ATP11B: variants seen among roughly 807,000 people sequenced by gnomAD.
ATP11B encodes the protein phospholipid-transporting ATPase IF.
Under a neutral mutation model 157.8 loss-of-function variants are expected in ATP11B, and 81 were observed. That is an observed-to-expected ratio of 0.51 (90% CI 0.43 to 0.62). The LOEUF (loss-of-function observed/expected upper bound fraction) is 0.62. ATP11B is among the 20% of genes least tolerant of loss of function. The pLI, the probability that ATP11B is intolerant of heterozygous loss-of-function variation, is 0.00. For synonymous variants in ATP11B, 451 were observed against 469.4 expected, an observed-to-expected ratio of 0.96 and a Z score of 0.51; for missense variants, 1,165 against 1,402.2, an observed-to-expected ratio of 0.83 and a Z score of 2.70.
intron 10 of ATP11B, among the ~76,000 whole-genome samples, chr3:182,857,052 T>C (rs1316946071): frequency 1.3e-5 from 2 of 151,918 alleles, no homozygotes; most frequent in African/African-American, 4.8e-5. Context: ...ATTCCTGACA[T>C]GTGTGATTTT....
chr3:182,800,904 A>C (rs1393082974), intron 1 of ATP11B, among the ~76,000 whole-genome samples: 1 of 84,960 alleles, frequency 1.2e-5, no homozygotes. Flanking sequence ...GATTCAGGTG[A>C]TTCTCCTGCC....
chr3:182,808,279 C>G (rs1301725655), intron 1 of ATP11B, among the ~76,000 whole-genome samples: 1 of 152,146 alleles, frequency 6.6e-6, no homozygotes, highest in Non-Finnish European at 1.5e-5. Flanking sequence ...TAAAGTAGTT[C>G]TCTAATCTTG....
Position 182,891,622 on chromosome 3 carries a change from T to G in ATP11B, c.2982+2074T>G, listed in dbSNP as rs576675855. Among the ~76,000 whole-genome samples the G allele has an allele frequency of 2.6e-5, 4 of 152,348 alleles. No individual in the cohort carries two copies. In the South Asian group the frequency reaches 8.3e-4, roughly 32 times the overall value. On this transcript the variant is annotated intron_variant, in intron 25 of 29. Coordinates refer to ENST00000323116, the MANE Select transcript of ATP11B (RefSeq NM_014616.3). ...TTGAGGATTTGTTTCTAATTTTTAG[T>G]AACTTTTTAAAATAAAATCTTGAAC...
chr3:182,829,794 T>C (rs1415876795), intron 4 of ATP11B, 42 bp downstream of exon 4: 18 of 1,471,956 alleles, frequency 1.2e-5, no homozygotes, highest in Non-Finnish European at 1.6e-5. Context: ...CTAAGTCATT[T>C]AGAAGTTGCT....
At chr3:182,814,503 G>A (rs1339498853) in intron 1 of ATP11B, among the ~76,000 whole-genome samples, 1 of 152,134 alleles carries the variant, frequency 6.6e-6, no homozygotes, top group African/African-American at 2.4e-5. Flanking sequence ...AGCACATGCT[G>A]CCCTTAAGAA....
At chr3:182,821,884 G>C (rs1717374753) in intron 2 of ATP11B, among the ~76,000 whole-genome samples, 1 of 152,150 alleles carries the variant, frequency 6.6e-6, no homozygotes, top group Non-Finnish European at 1.5e-5. Flanking sequence ...CTCTTCTAAA[G>C]CAACTAACAT....
In ATP11B at chr3:182,793,666, G is replaced by C; in HGVS notation, c.-94G>C. On this transcript the variant is annotated 5_prime_UTR_variant, in exon 1 of 30. Transcript: ENST00000323116. ...GGCGGTAAGCGGAACTTCGGCCCGA[G>C]GGGCTCGCCCGCTCCCGCCTCTGTC... is the stretch of plus-strand genomic sequence containing the variant. The C allele has an allele frequency of 2.5e-6, 2 of 806,638 alleles. No homozygotes were observed. The highest frequency in any genetic ancestry group is 3.5e-6 in the Non-Finnish European group (2 of 564,064). 50.0% of individuals were successfully genotyped at this position (806,638 alleles called of 1,614,324 possible). A position where few individuals can be genotyped will look rare whatever the true frequency, so the allele number is the denominator to read the frequency against.
chr3:182,879,173 G>A (rs1411139509), intron 19 of ATP11B, among the ~76,000 whole-genome samples: 4 of 152,242 alleles, frequency 2.6e-5, no homozygotes, highest in Non-Finnish European at 5.9e-5. Flanking sequence ...GGAAGCTGAA[G>A]CAAGAGAATC....
chr3:182,861,619 C>A (rs9830602), intron 12 of ATP11B, among the ~76,000 whole-genome samples: 1 of 152,098 alleles, frequency 6.6e-6, no homozygotes, highest in East Asian at 1.9e-4. Context: ...ACTGAGATAG[C>A]TAGTAACTGA....
chr3:182,854,897 A>G lies in ATP11B; in HGVS notation c.852-2981A>G, dbSNP rs145611282. ...TTTGTCATCTTTTCAGCTGAAAATT[A>G]CAAAACACTGAGGAAAGAAATCAAA... On this transcript the variant is annotated intron_variant, in intron 10 of 29. Coordinates refer to ENST00000323116, the MANE Select transcript of ATP11B (RefSeq NM_014616.3). Among the ~76,000 whole-genome samples the G allele has an allele frequency of 2.6e-4, 39 of 152,276 alleles. No individual in the cohort carries two copies. The East Asian group carries it at 6.0e-3, about 23-fold the overall frequency.
chr3:182,844,466 A>G, intron 8 of ATP11B: 5 of 672,858 alleles, frequency 7.4e-6, no homozygotes, highest in Non-Finnish European at 9.2e-6. Flanking sequence ...ACTTTTCCAT[A>G]GAAGATTCTT....
At chr3:182,908,506 G>T (rs373313461) in intron 28 of ATP11B, 1 of 151,946 alleles carries the variant, frequency 6.6e-6, no homozygotes, top group Non-Finnish European at 1.5e-5. Flanking sequence ...ATATTCTTAG[G>T]TATGTAATAC....
rs1041369380 is a variant in ATP11B at position 182,883,691 on chromosome 3, C to T, written c.2510-1062C>T. 9.4e-4 allele frequency among the ~76,000 whole-genome samples: 142 copies of T among 151,606 alleles called. 2 individuals carry two copies. The highest frequency in any genetic ancestry group is 3.1e-3 in the African/African-American group (130 of 41,390). On this transcript the variant is annotated intron_variant, in intron 21 of 29. Coordinates refer to ENST00000323116, the MANE Select transcript of ATP11B (RefSeq NM_014616.3). ...GCAGACTAGGCCGGGCGCGGTGGCTCACGCCTGTAATCCCAGCACTTTGGG... is the reference window on the plus strand; with the variant it reads ...GCAGACTAGGCCGGGCGCGGTGGCTTACGCCTGTAATCCCAGCACTTTGGG...
At chr3:182,916,631 T>A in intron 29 of ATP11B, 1 of 984,296 alleles carries the variant, frequency 1.0e-6, no homozygotes, top group African/African-American at 1.7e-5. Context: ...CAAAACTATC[T>A]TCTAAATAGA....
At position 182,876,059 on chromosome 3, in the gene ATP11B, G is replaced by A. The variant is rs1255245285; in HGVS notation, c.2252+2044G>A. Among the ~76,000 whole-genome samples, 3 of 152,042 alleles carry A rather than the reference G, an allele frequency of 2.0e-5. No individual in the cohort carries two copies. In the East Asian group the frequency reaches 5.8e-4, roughly 29 times the overall value. On this transcript the variant is annotated intron_variant, in intron 19 of 29. Transcript: ENST00000323116. ...GGAGTTTGAGATCAGCCTGGTCAATGTAATGAGACCCTGTCCCCACAAGAA... is the reference window on the plus strand; with the variant it reads ...GGAGTTTGAGATCAGCCTGGTCAATATAATGAGACCCTGTCCCCACAAGAA...
rs2108549806 is a variant in ATP11B at position 182,872,385 on chromosome 3, T to C, written c.1896T>C (p.Tyr632=). ...GGCTAAGAACTCTGTGTATAGCATATAGAAAATTTACATCAAAAGAGTATG... is the reference window on the plus strand; with the variant it reads ...GGCTAAGAACTCTGTGTATAGCATACAGAAAATTTACATCAAAAGAGTATG... ...LKGLRTLCIA[Y]RKFTSKEYEE... The change falls in exon 18 of 30, where the codon TAT becomes TAC. Residue 632 remains tyrosine (Y), a synonymous_variant. Coordinates refer to ENST00000323116, the MANE Select transcript of ATP11B (RefSeq NM_014616.3). 1 of 1,612,864 alleles carries C rather than the reference T, an allele frequency of 6.2e-7. No individual in the cohort carries two copies. Among genetic ancestry groups the C allele is most frequent in the East Asian group, 2.2e-5 (1 of 44,866 alleles).
rs1159148729 is a variant in ATP11B, at chr3:182,879,801, T to G, written c.2406+152T>G. 6 of 662,976 alleles carry G rather than the reference T, an allele frequency of 9.1e-6. No homozygotes were observed. The East Asian group carries it at 1.3e-4, about 15-fold the overall frequency. 41.1% of individuals were successfully genotyped at this position (662,976 alleles called of 1,614,324 possible). On this transcript the variant is annotated intron_variant, in intron 20 of 29. Transcript: ENST00000323116. The stretch of plus-strand genomic sequence containing the variant: ...CATCTCATGTTGTAAATTTTAATCA[T>G]GTACATCAGACTTTTGGAATTCTCA...
intron 10 of ATP11B, among the ~76,000 whole-genome samples, chr3:182,852,693 C>T (rs750086302): frequency 7.9e-5 from 12 of 152,136 alleles, no homozygotes; most frequent in Non-Finnish European, 1.5e-4. Context: ...ACCCGTCTCC[C>T]GCATATACAA....
At chr3:182,823,781 C>G (rs985718955) in intron 2 of ATP11B, among the ~76,000 whole-genome samples, 5 of 151,812 alleles carry the variant, frequency 3.3e-5, no homozygotes, top group African/African-American at 1.2e-4. Flanking sequence ...TGTAGTGACA[C>G]AGTTCTTAAG....
Sources: gnomAD v4.1 joint callset for allele counts (sites outside exome capture counted in the v4.1 genomes callset) on GRCh38, gnomAD v4.1.1 for gene constraint, MANE v1.5 for transcripts, NCBI Gene and HGNC (gene_info 2026-07-23, HGNC 2026-07-21) for gene names.